The following IL6ST variants were observed in gnomAD, a reference collection of about 807,000 sequenced individuals.
The protein encoded by IL6ST is interleukin 6 cytokine family signal transducer, also known as interleukin-6 receptor subunit beta.
IL6ST carries 24 observed loss-of-function variants against 91.3 expected under a neutral mutation model. The observed-to-expected ratio is 0.26, with a 90% CI of 0.19 to 0.37. The LOEUF (loss-of-function observed/expected upper bound fraction) is 0.37. IL6ST is among the 10% of genes least tolerant of loss of function. IL6ST has a pLI of 1.00. For missense variants in IL6ST, 914 were observed against 1,078.5 expected (o/e 0.85, Z 2.14); for synonymous variants, 351 against 373.6 (o/e 0.94, Z 0.70).
intron 13 of IL6ST, 117 bp from the exon 14 acceptor site, chr5:55,951,721 CT>C: frequency 2.0e-6 from 2 of 993,734 alleles, no homozygotes; most frequent in Non-Finnish European, 3.0e-6. Context: ...TGGAAAACAA[CT>C]TTTATAATGT....
Position 55,956,144 on chromosome 5 carries a change from T to C in IL6ST, c.1148A>G (p.Asn383Ser), listed in dbSNP as rs751758520. ...GAGATTTACTGTCAGTTTTGTGGCA[T>C]TAACTGTGTAATTTTGTAAATGTGA... ...WKSHLQNYTV[N>S]ATKLTVNLTN... Residue 383 changes from asparagine to serine, a missense_variant, in exon 10 of 17, where the codon AAT (asparagine) becomes AGT (serine). Transcript: ENST00000381298. 1.2e-6 allele frequency: 2 copies of C among 1,611,962 alleles called. No individual in the cohort carries two copies. Among genetic ancestry groups the C allele is most frequent in the East Asian group, 2.2e-5 (1 of 44,872 alleles).
At chr5:55,984,558 G>A (rs554065467) in intron 1 of IL6ST, among the ~76,000 whole-genome samples, 1 of 152,240 alleles carries the variant, frequency 6.6e-6, no homozygotes, top group Admixed American at 6.5e-5. Context: ...AGCTAGGAGA[G>A]GCAAAGGAAG....
At chr5:55,943,840 T>C (rs973929667) in intron 15 of IL6ST, among the ~76,000 whole-genome samples, 1 of 151,822 alleles carries the variant, frequency 6.6e-6, no homozygotes, top group South Asian at 2.1e-4. Context: ...GAGGCTGAGG[T>C]GGGTGGATTA....
At chr5:55,951,625 G>A (rs1751641255) in intron 13 of IL6ST, 21 bp from the exon 14 acceptor site, 1 of 1,602,986 alleles carries the variant, frequency 6.2e-7, no homozygotes, top group Non-Finnish European at 8.5e-7. Context: ...TAAGAACTGT[G>A]CTTCATTCAA....
At chr5:55,974,094 A>G (rs574367759) in intron 3 of IL6ST, among the ~76,000 whole-genome samples, 2 of 152,222 alleles carry the variant, frequency 1.3e-5, no homozygotes, top group Non-Finnish European at 2.9e-5. Flanking sequence ...AAACAAGGGT[A>G]TATCTCAGCT....
intron 3 of IL6ST, among the ~76,000 whole-genome samples, chr5:55,975,602 A>C (rs1753243635): frequency 6.6e-6 from 1 of 152,100 alleles, no homozygotes; most frequent in South Asian, 2.1e-4. Flanking sequence ...TCCTGGACTC[A>C]AGTTATTTTC....
intron 11 of IL6ST, among the ~76,000 whole-genome samples, chr5:55,952,574 A>G (rs562541471): frequency 6.6e-6 from 1 of 152,318 alleles, no homozygotes; most frequent in Admixed American, 6.5e-5. Flanking sequence ...CATTGTTAAG[A>G]ACAATGATGG....
At chr5:55,954,620 C>A (rs1751847185) in intron 11 of IL6ST, among the ~76,000 whole-genome samples, 190 bp downstream of exon 11, 1 of 152,152 alleles carries the variant, frequency 6.6e-6, no homozygotes, top group African/African-American at 2.4e-5. Context: ...ATTAACCCCA[C>A]TCTGTTCATA....
chr5:55,981,145 G>A (rs1753644020), intron 2 of IL6ST, among the ~76,000 whole-genome samples: 2 of 152,178 alleles, frequency 1.3e-5, no homozygotes, highest in South Asian at 4.1e-4. Flanking sequence ...CACAAGCAAA[G>A]CGAACTAGGC....
At chr5:55,973,127 C>T (rs1263514949) in intron 3 of IL6ST, among the ~76,000 whole-genome samples, 1 of 151,548 alleles carries the variant, frequency 6.6e-6, no homozygotes, top group South Asian at 2.1e-4. Context: ...TATTTGATTA[C>T]CCATATATAA....
chr5:55,977,518 T>C (rs1472844153), intron 2 of IL6ST, among the ~76,000 whole-genome samples: 1 of 152,126 alleles, frequency 6.6e-6, no homozygotes, highest in Middle Eastern at 3.4e-3. Context: ...TTGATTGTGG[T>C]GGTGACTATA....
chr5:55,950,848 C>T (rs1751591970), intron 14 of IL6ST, among the ~76,000 whole-genome samples: 1 of 151,802 alleles, frequency 6.6e-6, no homozygotes, highest in Non-Finnish European at 1.5e-5. Flanking sequence ...ACTTGAGAAA[C>T]TGAGGTAGGA....
chr5:55,971,886 C>A (rs1468521929), intron 3 of IL6ST, among the ~76,000 whole-genome samples: 1 of 152,186 alleles, frequency 6.6e-6, no homozygotes, highest in Non-Finnish European at 1.5e-5. Context: ...ATGTGTATTT[C>A]TTTGTTTCAA....
rs566646999 is a variant in IL6ST, at chr5:55,935,883, T to A, written c.*5199A>T. 1.8e-5 allele frequency: 4 copies of A among 218,842 alleles called. No individual in the cohort carries two copies. The highest frequency in any genetic ancestry group is 6.7e-5 in the African/African-American group (3 of 44,670). 13.6% of individuals were successfully genotyped at this position (218,842 alleles called of 1,614,324 possible). A position where few individuals can be genotyped will look rare whatever the true frequency, so the allele number is the denominator to read the frequency against. ...TAATCTTTTCCAAAGCAGGATGGAC[T>A]GTATCTATCATACACATTAGGATAA... On this transcript the variant is annotated 3_prime_UTR_variant, in exon 17 of 17. Transcript: ENST00000381298.
intron 14 of IL6ST, chr5:55,950,076 C>A (rs185420547): frequency 2.0e-4 from 74 of 377,882 alleles, no homozygotes; most frequent in South Asian, 7.6e-4. Flanking sequence ...GCACAATCAA[C>A]AGGACTTGAC....
At chr5:55,990,483 C>A (rs1429583904) in intron 1 of IL6ST, among the ~76,000 whole-genome samples, 1 of 152,136 alleles carries the variant, frequency 6.6e-6, no homozygotes, top group African/African-American at 2.4e-5. Context: ...TAGCTTTTAT[C>A]TCCAGGCTAT....
chr5:55,941,856 G>A (rs1750943484), intron 16 of IL6ST, 37 bp from the exon 17 acceptor site: 1 of 1,554,494 alleles, frequency 6.4e-7, no homozygotes. Context: ...GCAAGTATTA[G>A]TTAAAGCCAC....
At chr5:55,980,287 C>T (rs761749754) in intron 2 of IL6ST, among the ~76,000 whole-genome samples, 6 of 152,164 alleles carry the variant, frequency 3.9e-5, no homozygotes, top group Non-Finnish European at 5.9e-5. Context: ...CAGTGGCTCA[C>T]GCCTGTAATC....
At chr5:55,944,767 A>T in intron 15 of IL6ST, 2 of 864,184 alleles carry the variant, frequency 2.3e-6, no homozygotes, top group Non-Finnish European at 3.7e-6. Context: ...AGGCCACAGG[A>T]GCAGAAACAT....
Sources: allele counts gnomAD v4.1 joint callset (sites outside exome capture counted in the v4.1 genomes callset), GRCh38; gene constraint gnomAD v4.1.1; transcripts MANE v1.5; gene names NCBI Gene and HGNC (gene_info 2026-07-23, HGNC 2026-07-21).